DOCK8: variants seen among roughly 807,000 people sequenced by gnomAD.
The protein encoded by DOCK8 is dedicator of cytokinesis 8.
DOCK8 carries 141 observed loss-of-function variants against 245.6 expected under a neutral mutation model. That is an observed-to-expected ratio of 0.57 (90% CI 0.50 to 0.66). DOCK8 has a LOEUF of 0.66. Among genes scored for constraint, DOCK8 ranks in the 30% least tolerant of loss-of-function variants. DOCK8 has a pLI of 0.00. For missense variants in DOCK8, 2,965 were observed against 2,603.4 expected, an observed-to-expected ratio of 1.14 and a Z score of -3.02; for synonymous variants, 1,168 against 970.2, an observed-to-expected ratio of 1.20 and a Z score of -3.79.
chr9:344,963 A>T (rs2051804867), intron 14 of DOCK8, among the ~76,000 whole-genome samples: 1 of 152,094 alleles, frequency 6.6e-6, no homozygotes, highest in Non-Finnish European at 1.5e-5. Context: ...GAGGCGGGAG[A>T]ATCGCTTGAA....
At chr9:328,643 C>G (rs1300601780) in intron 9 of DOCK8, among the ~76,000 whole-genome samples, 1 of 152,066 alleles carries the variant, frequency 6.6e-6, no homozygotes, top group Admixed American at 6.5e-5. Flanking sequence ...TCATGTTGCT[C>G]TAGAGATGCA....
Position 451,967 on chromosome 9 carries a change from ATATATATATATTTTTTTTTTT to A in DOCK8, c.5962-42_5962-22del, listed in dbSNP as rs2057467328. On this transcript the variant is annotated intron_variant, in intron 45 of 47. Transcript: ENST00000432829. ...TATGTGTGTGTGTGTATATATATAT[ATATATATATATTTTTTTTTTT>A]TTTTTTTTTTTTTTCCCACCAGGGA... is the stretch of plus-strand genomic sequence containing the variant. 7 of 384,470 alleles carry A rather than the reference ATATATATATATTTTTTTTTTT, an allele frequency of 1.8e-5. No individual in the cohort carries two copies. The African/African-American group carries it at 2.2e-4, about 12-fold the overall frequency. 23.8% of individuals were successfully genotyped at this position (384,470 alleles called of 1,614,324 possible).
At chr9:355,667 C>A (rs1008091268) in intron 14 of DOCK8, among the ~76,000 whole-genome samples, 2 of 152,152 alleles carry the variant, frequency 1.3e-5, no homozygotes, top group African/African-American at 4.8e-5. Flanking sequence ...ACCTAGAAAG[C>A]AGATTCTCTG....
intron 33 of DOCK8, among the ~76,000 whole-genome samples, chr9:425,030 A>G (rs532311392): frequency 1.2e-4 from 18 of 152,318 alleles, no homozygotes; most frequent in South Asian, 6.2e-4. Context: ...AGAATAAAAT[A>G]TTTCACTAGT....
At chr9:315,459 G>A (rs189121375) in intron 6 of DOCK8, among the ~76,000 whole-genome samples, 1 of 152,034 alleles carries the variant, frequency 6.6e-6, no homozygotes, top group South Asian at 2.1e-4. Flanking sequence ...CAAAATAACA[G>A]TAAAAACAAA....
At chr9:319,512 T>C (rs571069136) in intron 7 of DOCK8, among the ~76,000 whole-genome samples, 10 of 152,244 alleles carry the variant, frequency 6.6e-5, no homozygotes, top group African/African-American at 2.4e-4. Context: ...TAGAGTAAAC[T>C]AGATGAAAGA....
intron 44 of DOCK8, among the ~76,000 whole-genome samples, chr9:447,268 A>G (rs2057294823): frequency 6.6e-6 from 1 of 152,194 alleles, no homozygotes; most frequent in African/African-American, 2.4e-5. Flanking sequence ...ACACACCATA[A>G]ACAACTTATT....
chr9:401,723 TC>T (rs1264436724), intron 26 of DOCK8, among the ~76,000 whole-genome samples: 2 of 151,902 alleles, frequency 1.3e-5, no homozygotes, highest in Non-Finnish European at 2.9e-5. Context: ...ACAGAAACAA[TC>T]TTTGACTTGT....
chr9:420,094 G>T (rs773404821), intron 30 of DOCK8: 7 of 444,952 alleles, frequency 1.6e-5, no homozygotes, highest in Non-Finnish European at 2.5e-5. Flanking sequence ...CATGATCAAG[G>T]CCCAGGGGTG....
chr9:397,350 C>CAA (rs36020302), intron 25 of DOCK8, among the ~76,000 whole-genome samples: 12,754 of 87,270 alleles, frequency 0.15, 1,063 homozygotes, highest in Non-Finnish European at 0.21. Flanking sequence ...GACTCTGTCT[C>CAA]AAAAAAAAAA....
At chr9:333,768 C>G (rs61084769) in intron 10 of DOCK8, among the ~76,000 whole-genome samples, 4,420 of 151,890 alleles carry the variant, frequency 0.029, 205 homozygotes, top group African/African-American at 0.098. Context: ...TTGTAAACTT[C>G]CTAAGGAGTT....
intron 26 of DOCK8, 121 bp downstream of exon 26, chr9:399,380 TC>T: frequency 1.3e-6 from 1 of 761,668 alleles, no homozygotes; most frequent in Non-Finnish European, 2.3e-6. Flanking sequence ...ATCCTACACA[TC>T]CTGTGTTTTG....
intron 1 of DOCK8, among the ~76,000 whole-genome samples, chr9:231,170 A>T (rs2047108102): frequency 6.6e-6 from 1 of 152,018 alleles, no homozygotes; most frequent in African/African-American, 2.4e-5. Flanking sequence ...TCCTTTCCCC[A>T]TTGCTTGTTT....
intron 22 of DOCK8, among the ~76,000 whole-genome samples, chr9:386,027 C>G (rs947789584): frequency 2.0e-5 from 3 of 152,026 alleles, no homozygotes. Flanking sequence ...ACATTTTTTC[C>G]TGGCGTCCCC....
At chr9:261,178 A>G (rs542415305) in intron 1 of DOCK8, among the ~76,000 whole-genome samples, 5 of 152,250 alleles carry the variant, frequency 3.3e-5, no homozygotes, top group South Asian at 4.1e-4. Flanking sequence ...GACATTGTAC[A>G]ATATGCTTTT....
intron 4 of DOCK8, among the ~76,000 whole-genome samples, chr9:290,968 A>G (rs2049013322): frequency 6.6e-6 from 1 of 152,222 alleles, no homozygotes; most frequent in African/African-American, 2.4e-5. Flanking sequence ...AGTTATTAAG[A>G]GAAAGTTAGA....
intron 5 of DOCK8, 66 bp downstream of exon 5, chr9:304,770 T>G (rs963141810): frequency 1.9e-6 from 3 of 1,608,550 alleles, no homozygotes; most frequent in African/African-American, 1.3e-5. Context: ...ATGCTGTCAG[T>G]TTTACAAACT....
intron 1 of DOCK8, among the ~76,000 whole-genome samples, chr9:268,485 G>A (rs528980769): frequency 3.9e-5 from 6 of 152,302 alleles, no homozygotes; most frequent in Admixed American, 1.3e-4. Flanking sequence ...TAGGACAACA[G>A]ATCTTGCTTC....
chr9:434,855 CAAG>C lies in DOCK8; in HGVS notation c.4966_4968del (p.Lys1656del). The C allele has an allele frequency of 1.9e-6, 3 of 1,614,088 alleles. No homozygotes were observed. Among genetic ancestry groups the C allele is most frequent in the Non-Finnish European group, 2.5e-6 (3 of 1,180,038 alleles). On this transcript the variant is annotated inframe_deletion, in exon 39 of 48. Coordinates refer to ENST00000432829, the MANE Select transcript of DOCK8 (RefSeq NM_203447.4). ...TCCAGAACATGGCAGAGAAACACAC[CAAG>C]AAGAAGTGCTACACGGAGGCTGCCA... is the stretch of plus-strand genomic sequence containing the variant.
Sources: gnomAD v4.1 joint callset for allele counts (sites outside exome capture counted in the v4.1 genomes callset) on GRCh38, gnomAD v4.1.1 for gene constraint, MANE v1.5 for transcripts, NCBI Gene and HGNC (gene_info 2026-07-23, HGNC 2026-07-21) for gene names.